The following CDH13 variants were observed in gnomAD, a reference collection of about 807,000 sequenced individuals.
CDH13 encodes cadherin 13, also known as cadherin-13.
Under a neutral mutation model 63.8 loss-of-function variants are expected in CDH13, and 24 were observed. The observed-to-expected ratio is 0.38, with a 90% CI of 0.27 to 0.53. The LOEUF (loss-of-function observed/expected upper bound fraction) is 0.53, where lower values mean the gene tolerates loss of function less well. CDH13 is among the 20% of genes least tolerant of loss of function. The pLI is 0.85. For synonymous variants in CDH13, 503 were observed against 355.3 expected, an observed-to-expected ratio of 1.42 and a Z score of -4.67; for missense variants, 1,049 against 903.1, an observed-to-expected ratio of 1.16 and a Z score of -2.07.
chr16:83,514,763 C>T (rs879915691), intron 7 of CDH13, among the ~76,000 whole-genome samples: 8 of 152,132 alleles, frequency 5.3e-5, no homozygotes, highest in Admixed American at 1.3e-4. Flanking sequence ...AGAAATACCA[C>T]GGGTCACCAG....
chr16:82,986,318 G>T (rs1231716789), intron 2 of CDH13, among the ~76,000 whole-genome samples: 1 of 152,116 alleles, frequency 6.6e-6, no homozygotes, highest in Non-Finnish European at 1.5e-5. Context: ...ACAAACCTTT[G>T]ACATTTGATA....
chr16:82,666,918 A>C (rs777024456), intron 1 of CDH13, among the ~76,000 whole-genome samples: 6 of 152,146 alleles, frequency 3.9e-5, no homozygotes, highest in Non-Finnish European at 7.3e-5. Flanking sequence ...CAACAGAGAA[A>C]TGATGTAAAA....
chr16:83,259,987 G>A (rs770849451), intron 5 of CDH13, among the ~76,000 whole-genome samples: 1 of 151,922 alleles, frequency 6.6e-6, no homozygotes, highest in East Asian at 1.9e-4. Flanking sequence ...TTCTTACGTG[G>A]CTCTCTCGGA....
chr16:82,630,081 CAG>C lies in CDH13; in HGVS notation c.45+2947_45+2948del, dbSNP rs528261426. Among the ~76,000 whole-genome samples, 479 of 152,250 alleles carry C rather than the reference CAG, an allele frequency of 3.1e-3. 3 individuals carry two copies. Among genetic ancestry groups the C allele is most frequent in the African/African-American group, 0.011 (458 of 41,548 alleles). ...AAAGTGGGGAGTTCTCTCTAGGGGT[CAG>C]AGTCTTGATTTTCAGGATTTTCAAT... On this transcript the variant is annotated intron_variant, in intron 1 of 13. Transcript: ENST00000567109.
chr16:82,906,968 G>C (rs1185606926), intron 2 of CDH13, among the ~76,000 whole-genome samples: 6 of 152,116 alleles, frequency 3.9e-5, no homozygotes, highest in African/African-American at 1.2e-4. Flanking sequence ...ATCTGCAAAG[G>C]CCTTATTTCC....
At chr16:82,929,603 C>T (rs1395328662) in intron 2 of CDH13, among the ~76,000 whole-genome samples, 13 of 135,820 alleles carry the variant, frequency 9.6e-5, no homozygotes, top group Admixed American at 8.4e-4. Context: ...AGTGAGCAAA[C>T]GTCACGCCAC....
chr16:83,302,866 A>C (rs1213656960), intron 5 of CDH13, among the ~76,000 whole-genome samples: 1 of 152,204 alleles, frequency 6.6e-6, no homozygotes, highest in Non-Finnish European at 1.5e-5. Flanking sequence ...ACTGATCTAA[A>C]CTTCAGTGAG....
intron 6 of CDH13, among the ~76,000 whole-genome samples, chr16:83,442,308 A>G (rs1326441375): frequency 6.6e-6 from 1 of 152,204 alleles, no homozygotes; most frequent in African/African-American, 2.4e-5. Flanking sequence ...GCAGGATTCT[A>G]TGTGAATCTA....
chr16:83,777,748 C>G (rs762532542), intron 11 of CDH13, among the ~76,000 whole-genome samples: 3 of 152,228 alleles, frequency 2.0e-5, no homozygotes, highest in Admixed American at 6.5e-5. Context: ...CAAATACTCA[C>G]TACCCTTCTA....
Position 82,660,770 on chromosome 16 carries a change from C to T in CDH13, c.45+33633C>T, listed in dbSNP as rs183793247. On this transcript the variant is annotated intron_variant, in intron 1 of 13. Transcript: ENST00000567109. ...TTGATTTGTAGGGCTTTCAGCATGGCGGGTGGTTTTCTTTCCCCCCTCGTT... is the reference window on the plus strand; with the variant it reads ...TTGATTTGTAGGGCTTTCAGCATGGTGGGTGGTTTTCTTTCCCCCCTCGTT... Among the ~76,000 whole-genome samples the T allele has an allele frequency of 7.2e-5, 11 of 152,226 alleles. No individual in the cohort carries two copies. The East Asian group carries it at 2.1e-3, about 29-fold the overall frequency.
At chr16:82,919,663 C>T (rs2042095841) in intron 2 of CDH13, among the ~76,000 whole-genome samples, 1 of 152,156 alleles carries the variant, frequency 6.6e-6, no homozygotes, top group African/African-American at 2.4e-5. Context: ...CTATAGTGAA[C>T]ATATGTGTGC....
intron 5 of CDH13, among the ~76,000 whole-genome samples, chr16:83,294,802 T>C (rs2089550673): frequency 6.6e-6 from 1 of 152,136 alleles, no homozygotes; most frequent in South Asian, 2.1e-4. Flanking sequence ...ATGCCCGTAC[T>C]ACCCAAAATG....
chr16:82,909,195 C>A (rs2041745737), intron 2 of CDH13, among the ~76,000 whole-genome samples: 1 of 151,314 alleles, frequency 6.6e-6, no homozygotes, highest in Admixed American at 6.6e-5. Flanking sequence ...TATTTTCAAT[C>A]CATGATTGGT....
intron 2 of CDH13, among the ~76,000 whole-genome samples, chr16:82,879,904 T>C (rs2040637205): frequency 7.0e-6 from 1 of 142,772 alleles, no homozygotes; most frequent in South Asian, 2.2e-4. Flanking sequence ...TAGAAATATA[T>C]ATTATATATT....
chr16:82,789,056 A>G (rs1174303168), intron 1 of CDH13, among the ~76,000 whole-genome samples: 1 of 152,104 alleles, frequency 6.6e-6, no homozygotes, highest in African/African-American at 2.4e-5. Flanking sequence ...TTCTTGTTAT[A>G]CCATAAAGAT....
intron 2 of CDH13, among the ~76,000 whole-genome samples, chr16:82,960,745 C>G (rs901519997): frequency 6.6e-6 from 1 of 151,992 alleles, no homozygotes; most frequent in Non-Finnish European, 1.5e-5. Flanking sequence ...TAGGGAACTT[C>G]TTTGTATAAG....
At chr16:82,810,932 G>A (rs2037409666) in intron 1 of CDH13, among the ~76,000 whole-genome samples, 1 of 152,148 alleles carries the variant, frequency 6.6e-6, no homozygotes, top group Non-Finnish European at 1.5e-5. Flanking sequence ...ATTAGTTGGA[G>A]AACAGCAATG....
At chr16:83,456,347 T>C (rs1285343445) in intron 6 of CDH13, among the ~76,000 whole-genome samples, 2 of 152,144 alleles carry the variant, frequency 1.3e-5, no homozygotes, top group African/African-American at 4.8e-5. Flanking sequence ...TGAGGCCCCG[T>C]CTTAGGTAAA....
At chr16:83,399,794 C>G (rs1388317654) in intron 6 of CDH13, among the ~76,000 whole-genome samples, 1 of 152,092 alleles carries the variant, frequency 6.6e-6, no homozygotes, top group Non-Finnish European at 1.5e-5. Context: ...TTTGTCCTCA[C>G]CATTTTACCC....
Sources: gnomAD v4.1 joint callset for allele counts (sites outside exome capture counted in the v4.1 genomes callset) on GRCh38, gnomAD v4.1.1 for gene constraint, MANE v1.5 for transcripts, NCBI Gene and HGNC (gene_info 2026-07-23, HGNC 2026-07-21) for gene names.